Variants in PDE4A observed in about 807,000 individuals in gnomAD.
PDE4A encodes the protein phosphodiesterase 4A.
PDE4A carries 21 observed loss-of-function variants against 73.9 expected under a neutral mutation model. That is an observed-to-expected ratio of 0.28 (90% CI 0.20 to 0.41). The LOEUF (loss-of-function observed/expected upper bound fraction) is 0.41. PDE4A is among the 10% of genes least tolerant of loss of function. The pLI, the probability that PDE4A is intolerant of heterozygous loss-of-function variation, is 1.00. For missense variants in PDE4A, 958 were observed against 1,211.4 expected, an observed-to-expected ratio of 0.79 and a Z score of 3.10; for synonymous variants, 463 against 505.4, an observed-to-expected ratio of 0.92 and a Z score of 1.13.
At chr19:10,425,841 C>G (rs572668138) in intron 1 of PDE4A, among the ~76,000 whole-genome samples, 2 of 151,514 alleles carry the variant, frequency 1.3e-5, no homozygotes, top group Admixed American at 1.3e-4. Flanking sequence ...CAAAAATTAG[C>G]CAGGTGGTAG....
At chr19:10,443,227 G>T (rs1568372819) in intron 1 of PDE4A, among the ~76,000 whole-genome samples, 1 of 152,008 alleles carries the variant, frequency 6.6e-6, no homozygotes, top group Non-Finnish European at 1.5e-5. Flanking sequence ...TTTGTATCCA[G>T]AATATATAAT....
In PDE4A at chr19:10,457,954, C is replaced by T; in HGVS notation, c.953C>T (p.Pro318Leu). Residue 318 changes from proline (P) to leucine (L), a missense_variant, in exon 8 of 15, where the codon CCC becomes CTC. Physicochemically the swap from Pro to Leu is moderately conservative, Grantham distance 98. Transcript: ENST00000380702. ...AAACAGCAAGCGCCGCGACCAAGAC[C>T]CTCCCAGCCGCCCCCGCCCCCTGTA... Reference protein sequence around the residue: ...REKQQAPRPRPSQPPPPPVPH... With the variant: ...REKQQAPRPRLSQPPPPPVPH... The T allele has an allele frequency of 6.2e-7, 1 of 1,613,594 alleles. No individual in the cohort carries two copies. Among genetic ancestry groups the T allele is most frequent in the Non-Finnish European group, 8.5e-7 (1 of 1,180,012 alleles).
chr19:10,467,786 C>T lies in PDE4A; in HGVS notation c.*165C>T. 1 of 499,780 alleles carries T rather than the reference C, an allele frequency of 2.0e-6. No homozygotes were observed. Among genetic ancestry groups the T allele is most frequent in the Non-Finnish European group, 3.3e-6 (1 of 303,992 alleles). The allele number at this position is 499,780 out of a possible 1,614,324, so 31.0% of individuals were successfully genotyped here. A position where few individuals can be genotyped will look rare whatever the true frequency, so the allele number is the denominator to read the frequency against. On this transcript the variant is annotated 3_prime_UTR_variant, in exon 15 of 15. Transcript: ENST00000380702. ...TGTTTTCTTTTTTTCCCCTTTCCCC[C>T]TGCCCCCACCCACGGGGCCTTTTTT...
intron 6 of PDE4A, among the ~76,000 whole-genome samples, chr19:10,451,454 G>A (rs1402845940): frequency 1.3e-5 from 2 of 152,126 alleles, no homozygotes; most frequent in African/African-American, 4.8e-5. Context: ...GCGGCTATAG[G>A]TCTGCGTAGC....
intron 1 of PDE4A, among the ~76,000 whole-genome samples, chr19:10,439,898 C>T (rs1323261402): frequency 6.6e-6 from 1 of 151,696 alleles, no homozygotes; most frequent in African/African-American, 2.4e-5. Context: ...CTTGGCATTG[C>T]ATGCAGGGGA....
At chr19:10,451,322 A>C (rs1216076406) in intron 6 of PDE4A, among the ~76,000 whole-genome samples, 1 of 151,852 alleles carries the variant, frequency 6.6e-6, no homozygotes, top group Non-Finnish European at 1.5e-5. Flanking sequence ...GACTTTCCCC[A>C]GGGCTGGAGG....
Position 10,465,683 on chromosome 19 carries a change from C to CTTTTTTTTTTTTTTTTT in PDE4A, c.1927-1186_1927-1170dup, listed in dbSNP as rs749126870. Among the ~76,000 whole-genome samples the CTTTTTTTTTTTTTTTTT allele has an allele frequency of 3.3e-4, 16 of 48,380 alleles. 3 individuals carry two copies. The highest frequency in any genetic ancestry group is 9.7e-4 in the African/African-American group (12 of 12,352). 31.7% of individuals were successfully genotyped at this position (48,380 alleles called of 152,430 possible). ...TCATAGCAATAGTTTGTGGCTTTAGCTTTTTTTTTTTTTTTTTTTTTTTTT... is the reference window on the plus strand; with the variant it reads ...TCATAGCAATAGTTTGTGGCTTTAGCTTTTTTTTTTTTTTTTTTTTTTTTTTTTTTTTTTTTTTTTTT... On this transcript the variant is annotated intron_variant, in intron 14 of 14. Transcript: ENST00000380702.
Position 10,467,064 on chromosome 19 carries a change from C to T in PDE4A, c.2104C>T (p.Pro702Ser). Residue 702 changes from proline to serine, a missense_variant, in exon 15 of 15, where the codon CCC becomes TCC. Pro to Ser is a moderately conservative substitution (Grantham distance 74). This residue lies in a region of PDE4A where 243 missense variants were observed against 245.9 expected (regional missense o/e 0.99). Transcript: ENST00000380702. ...EEESRGPGHP[P>S]LPDKFQFELT... The stretch of plus-strand genomic sequence containing the variant: ...GGAGTCAAGGGGGCCAGGCCACCCA[C>T]CCCTGCCTGACAAGTTCCAGTTTGA... 2.5e-6 allele frequency: 4 copies of T among 1,614,152 alleles called. No homozygotes were observed. The highest frequency in any genetic ancestry group is 2.5e-6 in the Non-Finnish European group (3 of 1,180,032).
intron 1 of PDE4A, chr19:10,430,919 G>C (rs2042779583): frequency 1.3e-6 from 2 of 1,509,658 alleles, no homozygotes; most frequent in East Asian, 5.3e-5. Flanking sequence ...TGGCGGCTGA[G>C]GACGAGGCGT....
At chr19:10,421,219 G>A (rs1190779201) in intron 1 of PDE4A, 135 bp downstream of exon 1, 1 of 1,335,400 alleles carries the variant, frequency 7.5e-7, no homozygotes, top group Non-Finnish European at 9.5e-7. Context: ...GAATTCGGCT[G>A]CGGGGGCGTC....
At position 10,467,058 on chromosome 19, in the gene PDE4A, C is replaced by A. The variant is rs752779837; in HGVS notation, c.2098C>A (p.His700Asn). The change falls in exon 15 of 15, where the codon CAC (histidine) becomes AAC (asparagine). Residue 700 changes from histidine (H) to asparagine (N), a missense_variant. Physicochemically the swap from His to Asn is moderately conservative, Grantham distance 68. Transcript: ENST00000380702. ...CGAGGAGGAGTCAAGGGGGCCAGGC[C>A]ACCCACCCCTGCCTGACAAGTTCCA... Reference protein sequence around the residue: ...PPEEESRGPGHPPLPDKFQFE... With the variant: ...PPEEESRGPGNPPLPDKFQFE... 2.5e-6 allele frequency: 4 copies of A among 1,614,028 alleles called. No individual in the cohort carries two copies. In the African/African-American group the frequency reaches 5.3e-5, roughly 22 times the overall value.
intron 1 of PDE4A, among the ~76,000 whole-genome samples, chr19:10,444,450 A>G (rs2042977504): frequency 6.6e-6 from 1 of 151,680 alleles, no homozygotes; most frequent in Non-Finnish European, 1.5e-5. Flanking sequence ...GTGAGCTGAG[A>G]TCGCGCCATT....
chr19:10,469,563 T>A lies in PDE4A; in HGVS notation c.*1942T>A, dbSNP rs560719649. On this transcript the variant is annotated 3_prime_UTR_variant, in exon 15 of 15. Coordinates refer to ENST00000380702, the MANE Select transcript of PDE4A (RefSeq NM_001111307.2). ...GCTTGTGTATTGTCCACTTTGACGA[T>A]CAGTCATTCGGTCCGTTGATCAATA... 1 of 152,482 alleles carries A rather than the reference T, an allele frequency of 6.6e-6. No individual in the cohort carries two copies. The highest frequency in any genetic ancestry group is 2.1e-4 in the South Asian group (1 of 4,830). 9.4% of individuals were successfully genotyped at this position (152,482 alleles called of 1,614,324 possible).
chr19:10,464,806 C>T (rs944449138), intron 14 of PDE4A, among the ~76,000 whole-genome samples: 2 of 152,006 alleles, frequency 1.3e-5, no homozygotes, highest in African/African-American at 4.8e-5. Context: ...CAACCTCCAC[C>T]TCCTGGGCTA....
At chr19:10,446,487 G>A (rs889974196) in intron 2 of PDE4A, 78 bp downstream of exon 2, 1 of 1,522,588 alleles carries the variant, frequency 6.6e-7, no homozygotes, top group Non-Finnish European at 8.9e-7. Flanking sequence ...CAGGGAGTCG[G>A]GGGGCACCCA....
intron 1 of PDE4A, among the ~76,000 whole-genome samples, chr19:10,443,432 C>T (rs1299614457): frequency 6.6e-6 from 1 of 151,700 alleles, no homozygotes; most frequent in Non-Finnish European, 1.5e-5. Context: ...GTAGACCCAG[C>T]TGCTTGGGAG....
rs748534753 is a variant in PDE4A at position 10,467,520 on chromosome 19, G to C, written c.2560G>C (p.Ala854Pro). 1 of 1,612,844 alleles carries C rather than the reference G, an allele frequency of 6.2e-7. No individual in the cohort carries two copies. Among genetic ancestry groups the C allele is most frequent in the Non-Finnish European group, 8.5e-7 (1 of 1,179,860 alleles). Reference protein sequence around the residue: ...AEVEAQREHQAAKRACSACAG... With the variant: ...AEVEAQREHQPAKRACSACAG... ...GGTGGAGGCCCAACGAGAGCACCAG[G>C]CTGCCAAGAGGGCTTGCAGTGCCTG... is the stretch of plus-strand genomic sequence containing the variant. Residue 854 changes from alanine (A) to proline (P), a missense_variant, in exon 15 of 15, where the codon GCT becomes CCT. Ala to Pro is a conservative substitution (Grantham distance 27). This residue lies in a region of PDE4A where 243 missense variants were observed against 245.9 expected (regional missense o/e 0.99). Transcript: ENST00000380702.
At position 10,466,956 on chromosome 19, in the gene PDE4A, C is replaced by T; in HGVS notation, c.1996C>T (p.Gln666Ter). The T allele has an allele frequency of 6.2e-7, 1 of 1,614,178 alleles. No individual in the cohort carries two copies. Among genetic ancestry groups the T allele is most frequent in the Non-Finnish European group, 8.5e-7 (1 of 1,180,034 alleles). Residue 666 changes from glutamine to a stop codon, truncating the protein, a stop_gained, in exon 15 of 15, where the codon CAG becomes TAG. Coordinates refer to ENST00000380702, the MANE Select transcript of PDE4A (RefSeq NM_001111307.2). LOFTEE classifies it low-confidence loss of function (END_TRUNC). The part of the protein sequence containing the change: ...TWADLVHPDA[Q>*]EILDTLEDNR... The stretch of plus-strand genomic sequence containing the variant: ...GGCGGACCTTGTCCACCCAGATGCC[C>T]AGGAGATCTTGGACACTTTGGAGGA...
At chr19:10,448,096 ATC>A in intron 2 of PDE4A, among the ~76,000 whole-genome samples, 1 of 147,640 alleles carries the variant, frequency 6.8e-6, no homozygotes, top group Non-Finnish European at 1.5e-5. Flanking sequence ...TCTCTTTTTT[ATC>A]TCTCTCTTTT....
Sources: gnomAD v4.1 joint callset for allele counts (sites outside exome capture counted in the v4.1 genomes callset) on GRCh38, gnomAD v4.1.1 for gene constraint, gnomAD v4.1.1 regional missense constraint, MANE v1.5 for transcripts, NCBI Gene and HGNC (gene_info 2026-07-23, HGNC 2026-07-21) for gene names.